FRAS1: variants seen among roughly 807,000 people sequenced by gnomAD.
FRAS1 encodes extracellular matrix organizing protein FRAS1.
Under a neutral mutation model 435.2 loss-of-function variants are expected in FRAS1, and 290 were observed. That is an observed-to-expected ratio of 0.67 (90% confidence interval 0.61 to 0.73). The LOEUF (loss-of-function observed/expected upper bound fraction) is 0.73. Ranked by LOEUF, FRAS1 falls within the 30% of genes least tolerant of loss-of-function variation. FRAS1 has a pLI of 0.00. For missense variants in FRAS1, 4,860 were observed against 5,001.5 expected, an observed-to-expected ratio of 0.97 and a Z score of 0.85; for synonymous variants, 1,800 against 1,851.0, an observed-to-expected ratio of 0.97 and a Z score of 0.71.
intron 14 of FRAS1, among the ~76,000 whole-genome samples, chr4:78,298,507 T>A (rs907590591): frequency 1.3e-5 from 2 of 152,010 alleles, no homozygotes; most frequent in African/African-American, 4.8e-5. Flanking sequence ...TGTCTGGCCA[T>A]GGAACATGTC....
chr4:78,223,297 ACATGCCAGTTGTGGCCCAT>A (rs1724132370), intron 2 of FRAS1, among the ~76,000 whole-genome samples: 1 of 152,214 alleles, frequency 6.6e-6, no homozygotes, highest in South Asian at 2.1e-4. Flanking sequence ...TGCTGAATTC[ACATGCCAGTTGTGGCCCAT>A]CATGCCAGGG....
chr4:78,356,239 C>T (rs1393716727), intron 20 of FRAS1, among the ~76,000 whole-genome samples: 3 of 152,114 alleles, frequency 2.0e-5, no homozygotes, highest in Non-Finnish European at 4.4e-5. Flanking sequence ...CCCTTTTTCT[C>T]CTGGCCTGAA....
At chr4:78,300,446 G>A (rs180750850) in intron 14 of FRAS1, among the ~76,000 whole-genome samples, 81 of 152,162 alleles carry the variant, frequency 5.3e-4, no homozygotes, top group African/African-American at 1.7e-3. Flanking sequence ...TGGAGCTTAC[G>A]GTCTCACAAG....
At chr4:78,223,235 AT>A (rs1326797993) in intron 2 of FRAS1, among the ~76,000 whole-genome samples, 4 of 152,136 alleles carry the variant, frequency 2.6e-5, no homozygotes, top group Admixed American at 2.0e-4. Context: ...CTGGCAGTTA[AT>A]TTCCTCTTGG....
intron 2 of FRAS1, among the ~76,000 whole-genome samples, chr4:78,156,542 G>C (rs1720891493): frequency 6.6e-6 from 1 of 151,902 alleles, no homozygotes; most frequent in African/African-American, 2.4e-5. Flanking sequence ...ATGCCCACCT[G>C]GTCAATGGAG....
intron 13 of FRAS1, among the ~76,000 whole-genome samples, chr4:78,285,383 T>C (rs1284435451): frequency 1.3e-5 from 2 of 151,006 alleles, no homozygotes; most frequent in Non-Finnish European, 3.0e-5. Context: ...AAAAAAAGTG[T>C]GTAGGTTCAT....
intron 44 of FRAS1, among the ~76,000 whole-genome samples, chr4:78,449,265 G>T (rs1718946504): frequency 6.6e-6 from 1 of 152,280 alleles, no homozygotes; most frequent in Middle Eastern, 3.4e-3. Flanking sequence ...ACACTTTCGT[G>T]TGCAGTAGGA....
chr4:78,099,998 G>C (rs1048809167), intron 2 of FRAS1, among the ~76,000 whole-genome samples: 12 of 152,148 alleles, frequency 7.9e-5, no homozygotes, highest in Non-Finnish European at 1.8e-4. Context: ...GGGGAAGACA[G>C]GGTTTGTTTA....
At chr4:78,277,156 C>T (rs2110172440) in intron 9 of FRAS1, among the ~76,000 whole-genome samples, 1 of 152,308 alleles carries the variant, frequency 6.6e-6, no homozygotes, top group East Asian at 1.9e-4. Flanking sequence ...TTGCTAAGAC[C>T]ATTGGAAAAG....
At chr4:78,463,959 C>T in intron 47 of FRAS1, 62 bp from the exon 48 acceptor site, 1 of 1,582,852 alleles carries the variant, frequency 6.3e-7, no homozygotes, top group Non-Finnish European at 8.7e-7. Flanking sequence ...ACTTCCCTAG[C>T]CTTAGATATA....
At chr4:78,489,201 G>C (rs945175349) in intron 59 of FRAS1, 121 bp downstream of exon 59, 3 of 874,394 alleles carry the variant, frequency 3.4e-6, no homozygotes, top group Non-Finnish European at 5.1e-6. Flanking sequence ...GGTGACCCTT[G>C]AACAATGCAG....
chr4:78,425,559 C>T, intron 35 of FRAS1, among the ~76,000 whole-genome samples: 1 of 152,158 alleles, frequency 6.6e-6, no homozygotes, highest in Admixed American at 6.5e-5. Flanking sequence ...AGAGTTGCCT[C>T]TCTATAACTC....
intron 2 of FRAS1, among the ~76,000 whole-genome samples, chr4:78,129,016 T>C (rs1231812353): frequency 6.6e-6 from 1 of 152,252 alleles, no homozygotes; most frequent in Non-Finnish European, 1.5e-5. Flanking sequence ...TAGGGAATCC[T>C]TTCCCCATTG....
At chr4:78,129,207 C>A (rs999491920) in intron 2 of FRAS1, among the ~76,000 whole-genome samples, 1 of 152,130 alleles carries the variant, frequency 6.6e-6, no homozygotes, top group African/African-American at 2.4e-5. Flanking sequence ...CAGCTTTGTT[C>A]TTTTGGCTTA....
chr4:78,438,820 C>T, intron 39 of FRAS1, 82 bp from the exon 40 acceptor site: 12 of 1,497,516 alleles, frequency 8.0e-6, no homozygotes, highest in Non-Finnish European at 1.1e-5. Context: ...TTGGTTTGGC[C>T]CCATTTTTAA....
At chr4:78,445,763 C>T (rs753294891) in intron 42 of FRAS1, 51 bp downstream of exon 42, 1 of 1,608,306 alleles carries the variant, frequency 6.2e-7, no homozygotes, top group Non-Finnish European at 8.5e-7. Context: ...CAATATTTCA[C>T]ACCATTAGAG....
chr4:78,340,828 G>T (rs1269223630), intron 20 of FRAS1, among the ~76,000 whole-genome samples: 1 of 152,080 alleles, frequency 6.6e-6, no homozygotes, highest in East Asian at 1.9e-4. Context: ...GTTTCCCTCC[G>T]CATGTCCTAA....
At chr4:78,369,586 G>A (rs1299404826) in intron 22 of FRAS1, among the ~76,000 whole-genome samples, 1 of 152,118 alleles carries the variant, frequency 6.6e-6, no homozygotes, top group African/African-American at 2.4e-5. Context: ...GAATCACAGA[G>A]CAATTTGGAT....
chr4:78,345,325 C>A (rs2110276931), intron 20 of FRAS1, among the ~76,000 whole-genome samples: 1 of 152,190 alleles, frequency 6.6e-6, no homozygotes, highest in African/African-American at 2.4e-5. Flanking sequence ...AGTAGAGTAC[C>A]AAGCTAGCAC....
Sources: allele counts gnomAD v4.1 joint callset (sites outside exome capture counted in the v4.1 genomes callset), GRCh38; gene constraint gnomAD v4.1.1; transcripts MANE v1.5; gene names NCBI Gene and HGNC (gene_info 2026-07-23, HGNC 2026-07-21).